USP48: variants seen among roughly 807,000 people sequenced by gnomAD.
The protein encoded by USP48 is ubiquitin carboxyl-terminal hydrolase 48.
A neutral mutation model predicts 150.7 loss-of-function variants in USP48; 43 were observed. The ratio of observed to expected loss-of-function variants is 0.29; its 90% CI spans 0.22 to 0.37. The LOEUF (loss-of-function observed/expected upper bound fraction) is 0.37. Ranked by LOEUF, USP48 falls within the 10% of genes least tolerant of loss-of-function variation. USP48 has a pLI of 1.00. For missense variants in USP48, 813 were observed against 1,249.6 expected, an observed-to-expected ratio of 0.65 and a Z score of 5.27; for synonymous variants, 396 against 425.9, an observed-to-expected ratio of 0.93 and a Z score of 0.86.
intron 25 of USP48, among the ~76,000 whole-genome samples, chr1:21,682,815 T>C (rs971642661): frequency 4.0e-5 from 6 of 150,710 alleles, no homozygotes; most frequent in South Asian, 4.2e-4. Context: ...GGGGAGATTG[T>C]AGTGAGCCAA....
rs764411075 is a variant in USP48, at chr1:21,705,845, AAT to A, written c.2274-10_2274-9del. On this transcript the variant is annotated splice_polypyrimidine_tract_variant and intron_variant, in intron 18 of 26. Transcript: ENST00000308271. Reference sequence around the variant, plus strand: ...CTGCATCTTGTAGGCTTTCTACTCAAATGAGACAAGGAGGAGAAATATACCTA... The same window carrying A: ...CTGCATCTTGTAGGCTTTCTACTCAAGAGACAAGGAGGAGAAATATACCTA... 4 of 1,584,360 alleles carry A rather than the reference AAT, an allele frequency of 2.5e-6. No homozygotes were observed. In the East Asian group the frequency reaches 9.0e-5, roughly 36 times the overall value.
At chr1:21,702,251 A>G (rs542256499) in intron 21 of USP48, among the ~76,000 whole-genome samples, 1 of 152,306 alleles carries the variant, frequency 6.6e-6, no homozygotes, top group South Asian at 2.1e-4. Context: ...GGGCATAATT[A>G]TAAGTTACCC....
chr1:21,760,094 C>T (rs892992650), intron 1 of USP48, among the ~76,000 whole-genome samples: 2 of 152,128 alleles, frequency 1.3e-5, no homozygotes, highest in Admixed American at 1.3e-4. Context: ...GATGTTCTGG[C>T]CAAAGATGCA....
At chr1:21,679,568 G>A in intron 26 of USP48, 129 bp from the exon 27 acceptor site, 1 of 1,157,002 alleles carries the variant, frequency 8.6e-7, no homozygotes, top group Non-Finnish European at 1.3e-6. Flanking sequence ...TCGCACCTTG[G>A]TGTGGGAGGA....
At chr1:21,716,210 A>G (rs990489351) in intron 14 of USP48, among the ~76,000 whole-genome samples, 15 of 152,196 alleles carry the variant, frequency 9.9e-5, no homozygotes, top group African/African-American at 3.6e-4. Flanking sequence ...ACTTAAAGGA[A>G]GCACTTTGTG....
At chr1:21,779,538 T>G (rs2097909375) in intron 1 of USP48, among the ~76,000 whole-genome samples, 1 of 151,154 alleles carries the variant, frequency 6.6e-6, no homozygotes, top group Admixed American at 6.6e-5. Context: ...ACAGAGAGAC[T>G]CCGTCTCAAA....
chr1:21,722,692 A>G (rs930261547), intron 12 of USP48, among the ~76,000 whole-genome samples: 1 of 152,012 alleles, frequency 6.6e-6, no homozygotes, highest in African/African-American at 2.4e-5. Context: ...AGAAAATACA[A>G]AACTTAACCA....
intron 3 of USP48, among the ~76,000 whole-genome samples, 193 bp downstream of exon 3, chr1:21,756,353 C>T (rs993830548): frequency 6.0e-5 from 9 of 151,244 alleles, no homozygotes; most frequent in Non-Finnish European, 1.0e-4. Flanking sequence ...TGGTGGCGGG[C>T]GCCTGTAATC....
chr1:21,782,668 G>A (rs1047365696), intron 1 of USP48, among the ~76,000 whole-genome samples, 156 bp downstream of exon 1: 2 of 152,250 alleles, frequency 1.3e-5, no homozygotes, highest in Admixed American at 6.5e-5. Flanking sequence ...GCGTTTCCCA[G>A]GTCGCGCAGA....
chr1:21,705,384 A>G (rs960154456), intron 19 of USP48, among the ~76,000 whole-genome samples: 2 of 152,160 alleles, frequency 1.3e-5, no homozygotes, highest in African/African-American at 4.8e-5. Context: ...AAGCCTGGCC[A>G]TGGCAGAACA....
chr1:21,734,836 C>T (rs182545950), intron 9 of USP48, among the ~76,000 whole-genome samples: 1 of 152,302 alleles, frequency 6.6e-6, no homozygotes, highest in Non-Finnish European at 1.5e-5. Flanking sequence ...GGAGATGGAG[C>T]TCAGGAGATG....
chr1:21,747,110 G>T lies in USP48; in HGVS notation c.948C>A (p.Gly316=). ...GHKKKLNTYI[G]FSEILDMEPY... ...GCTCCATATCCAAAATTTCTGAGAA[G>T]CCAATGTAGGTATTCAGCTTTTTCT... Residue 316 remains glycine, a synonymous_variant, in exon 8 of 27, where the codon GGC becomes GGA. Transcript: ENST00000308271. 1 of 1,611,864 alleles carries T rather than the reference G, an allele frequency of 6.2e-7. No individual in the cohort carries two copies. Among genetic ancestry groups the T allele is most frequent in the Non-Finnish European group, 8.5e-7 (1 of 1,179,654 alleles).
At chr1:21,712,773 C>T (rs895870079) in intron 15 of USP48, among the ~76,000 whole-genome samples, 71 of 151,882 alleles carry the variant, frequency 4.7e-4, no homozygotes, top group Middle Eastern at 3.4e-3. Context: ...GGATTACAGG[C>T]GTCCACCATG....
At chr1:21,683,300 G>A (rs2097571742) in intron 25 of USP48, among the ~76,000 whole-genome samples, 1 of 152,110 alleles carries the variant, frequency 6.6e-6, no homozygotes, top group African/African-American at 2.4e-5. Context: ...ACATATTTAT[G>A]GGGAACAGCT....
chr1:21,683,815 A>ATT (rs1434414232), intron 25 of USP48, among the ~76,000 whole-genome samples: 1 of 152,220 alleles, frequency 6.6e-6, no homozygotes, highest in Admixed American at 6.5e-5. Flanking sequence ...CCATCCACTC[A>ATT]TAACTACCAT....
chr1:21,706,370 T>C, intron 17 of USP48, 97 bp downstream of exon 17: 1 of 1,559,036 alleles, frequency 6.4e-7, no homozygotes. Context: ...AATGAGAATA[T>C]GAGAAGTTCT....
At chr1:21,690,338 G>A (rs1183193609) in intron 23 of USP48, among the ~76,000 whole-genome samples, 1 of 152,018 alleles carries the variant, frequency 6.6e-6, no homozygotes, top group Non-Finnish European at 1.5e-5. Context: ...ATATAGATGC[G>A]TTTGTTCCTT....
At chr1:21,696,510 T>G (rs1467902512) in intron 22 of USP48, among the ~76,000 whole-genome samples, 4 of 152,100 alleles carry the variant, frequency 2.6e-5, no homozygotes, top group Non-Finnish European at 5.9e-5. Context: ...AAGTCTAAAG[T>G]GATACAAACA....
At chr1:21,680,228 G>A (rs3767132) in intron 26 of USP48, among the ~76,000 whole-genome samples, 25,240 of 152,212 alleles carry the variant, frequency 0.17, 2,662 homozygotes, top group Admixed American at 0.3. Context: ...AATCAAGACA[G>A]CAACAGGAAA....
Sources: allele counts gnomAD v4.1 joint callset (sites outside exome capture counted in the v4.1 genomes callset), GRCh38; gene constraint gnomAD v4.1.1; transcripts MANE v1.5; gene names NCBI Gene and HGNC (gene_info 2026-07-23, HGNC 2026-07-21).